TPP2: variants seen among roughly 807,000 people sequenced by gnomAD.
TPP2 encodes the protein tripeptidyl-peptidase 2.
In TPP2, 34 loss-of-function variants were observed where a neutral mutation model predicts 155.9. That is an observed-to-expected ratio of 0.22 (90% CI 0.17 to 0.29). The LOEUF is 0.29. TPP2 is among the 10% of genes least tolerant of loss of function. TPP2 has a pLI of 1.00. For synonymous variants in TPP2, 510 were observed against 529.4 expected (o/e 0.96, Z 0.50); for missense variants, 1,028 against 1,522.3 (o/e 0.68, Z 5.40).
rs762103817 is a variant in TPP2 at position 102,643,302 on chromosome 13, T to C, written c.2101T>C (p.Tyr701His). The change falls in exon 17 of 30, where the codon TAT becomes CAT. Residue 701 changes from tyrosine (Y) to histidine (H), a missense_variant. Tyr to His is a moderately conservative substitution (Grantham distance 83). Coordinates refer to ENST00000376052, the MANE Select transcript of TPP2 (RefSeq NM_001330588.2). ...AGTCCAGCTTGTGAAGCAAAGAGCATATCGAAGCCATGAATTCTATAAGTT... is the reference window on the plus strand; with the variant it reads ...AGTCCAGCTTGTGAAGCAAAGAGCACATCGAAGCCATGAATTCTATAAGTT... ...HAVQLVKQRAYRSHEFYKFCS... is the reference protein window; with the variant it reads ...HAVQLVKQRAHRSHEFYKFCS... The C allele has an allele frequency of 3.7e-6, 6 of 1,613,484 alleles. No homozygotes were observed. The highest frequency in any genetic ancestry group is 5.1e-6 in the Non-Finnish European group (6 of 1,179,756).
At position 102,630,090 on chromosome 13, in the gene TPP2, C is replaced by T. The variant is rs2139486391; in HGVS notation, c.1145-6C>T. ...TCTTTTCTTAATGATTAAATCCATCCCACAGGTGTTGGTGCTTATGTTTCT... is the reference window on the plus strand; with the variant it reads ...TCTTTTCTTAATGATTAAATCCATCTCACAGGTGTTGGTGCTTATGTTTCT... On this transcript the variant is annotated splice_polypyrimidine_tract_variant and splice_region_variant and intron_variant, in intron 9 of 29. Coordinates refer to ENST00000376052, the MANE Select transcript of TPP2 (RefSeq NM_001330588.2). The T allele has an allele frequency of 1.2e-6, 2 of 1,610,758 alleles. No individual in the cohort carries two copies. The highest frequency in any genetic ancestry group is 2.2e-5 in the South Asian group (2 of 90,720).
Position 102,632,118 on chromosome 13 carries a change from G to A in TPP2, c.1245-1832G>A, listed in dbSNP as rs117703995. ...AAAATATAAAATTTAGCTGGGCATG[G>A]TGGTGGGTGCATGTAATCACAGCTA... On this transcript the variant is annotated intron_variant, in intron 10 of 29. Transcript: ENST00000376052. 7.3e-4 allele frequency among the ~76,000 whole-genome samples: 111 copies of A among 152,274 alleles called. 3 individuals carry two copies. In the East Asian group the frequency reaches 0.018, roughly 25 times the overall value.
At chr13:102,630,975 C>T (rs567409873) in intron 10 of TPP2, among the ~76,000 whole-genome samples, 42 of 152,202 alleles carry the variant, frequency 2.8e-4, no homozygotes, top group Non-Finnish European at 3.8e-4. Flanking sequence ...TGATGGGACT[C>T]CAGAGGTGGG....
Position 102,676,344 on chromosome 13 carries a change from A to G in TPP2, c.3628A>G (p.Arg1210Gly). Residue 1210 changes from arginine to glycine, a missense_variant, in exon 29 of 30, where the codon AGA (arginine) becomes GGA (glycine). Arg to Gly is a moderately radical substitution (Grantham distance 125, BLOSUM62 -2). Around this residue, in one of 7 missense-constraint regions of TPP2, gnomAD observed 41 missense variants for 78.3 expected, o/e 0.52. Transcript: ENST00000376052. ...KHALVNKMYG[R>G]GLKFATKLVE... is the part of the protein sequence containing the mutation. ...TGCATTAGTAAATAAAATGTATGGG[A>G]GAGGCCTTAAATTTGCAACTAAACT... 6.2e-7 allele frequency: 1 copy of G among 1,609,360 alleles called. No individual in the cohort carries two copies. Among genetic ancestry groups the G allele is most frequent in the African/African-American group, 1.3e-5 (1 of 74,896 alleles).
intron 9 of TPP2, 71 bp downstream of exon 9, chr13:102,629,680 T>C: frequency 6.6e-7 from 1 of 1,507,252 alleles, no homozygotes; most frequent in Non-Finnish European, 8.8e-7. Context: ...AATGAAATGT[T>C]ACCTGTATCT....
chr13:102,608,838 G>A (rs1365400595), intron 2 of TPP2, among the ~76,000 whole-genome samples: 2 of 151,382 alleles, frequency 1.3e-5, no homozygotes, highest in Admixed American at 6.6e-5. Context: ...TTTTATGTTA[G>A]ATATTTTGTT....
At chr13:102,642,781 A>G (rs969518522) in intron 16 of TPP2, among the ~76,000 whole-genome samples, 1 of 152,230 alleles carries the variant, frequency 6.6e-6, no homozygotes, top group African/African-American at 2.4e-5. Context: ...AAGAAGAGAG[A>G]TTAGGAAAAG....
intron 7 of TPP2, among the ~76,000 whole-genome samples, chr13:102,627,620 C>T (rs1388957375): frequency 6.7e-6 from 1 of 148,226 alleles, no homozygotes; most frequent in East Asian, 2.0e-4. Context: ...TCTAGAAATG[C>T]TAGTTTTTTG....
In TPP2 at chr13:102,618,243, T is replaced by G. The variant is rs539398946; in HGVS notation, c.496-479T>G. 7.2e-5 allele frequency among the ~76,000 whole-genome samples: 11 copies of G among 152,348 alleles called. No homozygotes were observed. The South Asian group carries it at 2.3e-3, about 32-fold the overall frequency. ...AAATGCTTCTATTTAACATAGCAGTTTCTAAAAGATATAAGATGATTCATG... is the reference window on the plus strand; with the variant it reads ...AAATGCTTCTATTTAACATAGCAGTGTCTAAAAGATATAAGATGATTCATG... On this transcript the variant is annotated intron_variant, in intron 4 of 29. Coordinates refer to ENST00000376052, the MANE Select transcript of TPP2 (RefSeq NM_001330588.2).
rs1879785118 is a variant in TPP2 at position 102,605,819 on chromosome 13, G to A, written c.294+898G>A. 2.0e-5 allele frequency among the ~76,000 whole-genome samples: 3 copies of A among 151,884 alleles called. No homozygotes were observed. The South Asian group carries it at 6.2e-4, about 32-fold the overall frequency. Reference sequence around the variant, plus strand: ...GCTCACTGCAACCTCCGCCTCCCGGGTTCTAGCAATTCTCCTGCCTCAGCC... The same window carrying A: ...GCTCACTGCAACCTCCGCCTCCCGGATTCTAGCAATTCTCCTGCCTCAGCC... On this transcript the variant is annotated intron_variant, in intron 2 of 29. Coordinates refer to ENST00000376052, the MANE Select transcript of TPP2 (RefSeq NM_001330588.2).
chr13:102,638,903 C>T (rs1489814478), intron 15 of TPP2, among the ~76,000 whole-genome samples: 1 of 152,200 alleles, frequency 6.6e-6, no homozygotes, highest in African/African-American at 2.4e-5. Context: ...CAATTATAGC[C>T]CTAGCCAGTG....
intron 16 of TPP2, 103 bp from the exon 17 acceptor site, chr13:102,643,119 T>C: frequency 9.3e-7 from 1 of 1,079,846 alleles, no homozygotes; most frequent in Non-Finnish European, 1.2e-6. Flanking sequence ...CCCTATTATG[T>C]CCCTACATGG....
In TPP2 at chr13:102,676,514, T is replaced by C; in HGVS notation, c.3699+99T>C. On this transcript the variant is annotated intron_variant, in intron 29 of 29. Coordinates refer to ENST00000376052, the MANE Select transcript of TPP2 (RefSeq NM_001330588.2). Reference sequence around the variant, plus strand: ...TAGGACTGTGATATAGCAATACTGGTTTTATTGTGACCAGTTATTACAGTA... The same window carrying C: ...TAGGACTGTGATATAGCAATACTGGCTTTATTGTGACCAGTTATTACAGTA... The C allele has an allele frequency of 2.1e-6, 3 of 1,412,800 alleles. No individual in the cohort carries two copies. In the South Asian group the frequency reaches 3.7e-5, roughly 18 times the overall value. 87.5% of individuals were successfully genotyped at this position (1,412,800 alleles called of 1,614,324 possible).
chr13:102,663,176 TCTCA>T (rs1884354538), intron 25 of TPP2, among the ~76,000 whole-genome samples: 1 of 151,808 alleles, frequency 6.6e-6, no homozygotes, highest in Non-Finnish European at 1.5e-5. Context: ...TGAGATGGAG[TCTCA>T]CTCTGTCACC....
At chr13:102,623,076 T>A in intron 6 of TPP2, 36 bp downstream of exon 6, 8 of 1,587,378 alleles carry the variant, frequency 5.0e-6, no homozygotes, top group Non-Finnish European at 6.8e-6. Flanking sequence ...AGATATAGAT[T>A]TATGAGGTGA....
At chr13:102,642,011 G>C (rs1566349858) in intron 16 of TPP2, among the ~76,000 whole-genome samples, 1 of 152,172 alleles carries the variant, frequency 6.6e-6, no homozygotes, top group South Asian at 2.1e-4. Flanking sequence ...TAGCGGCAAG[G>C]CCACGGGCTT....
chr13:102,674,564 G>T (rs1885182957), intron 28 of TPP2, 74 bp downstream of exon 28: 1 of 1,431,550 alleles, frequency 7.0e-7, no homozygotes, highest in Non-Finnish European at 9.7e-7. Flanking sequence ...CCCATTGCTG[G>T]TTAAAAGAGG....
chr13:102,647,091 A>C, intron 20 of TPP2, 116 bp from the exon 21 acceptor site: 1 of 1,295,394 alleles, frequency 7.7e-7, no homozygotes, highest in Non-Finnish European at 1.0e-6. Flanking sequence ...ATTTTTTACC[A>C]CAAGTATTTT....
intron 6 of TPP2, 119 bp downstream of exon 6, chr13:102,623,159 T>C: frequency 9.1e-7 from 1 of 1,102,990 alleles, no homozygotes; most frequent in Non-Finnish European, 1.3e-6. Flanking sequence ...GCTAAAGGAC[T>C]AGGTCCAGAA....
Sources: allele counts gnomAD v4.1 joint callset (sites outside exome capture counted in the v4.1 genomes callset), GRCh38; gene constraint gnomAD v4.1.1; regional missense constraint gnomAD v4.1.1; transcripts MANE v1.5; gene names NCBI Gene and HGNC (gene_info 2026-07-23, HGNC 2026-07-21).